Variants in BARD1 observed in about 807,000 individuals in gnomAD.
BARD1 encodes BRCA1 associated RING domain 1, also known as BRCA1-associated RING domain protein 1.
In BARD1, 73 loss-of-function variants were observed where a neutral mutation model predicts 77.0. The observed-to-expected ratio is 0.95, with a 90% CI of 0.79 to 1.15. The LOEUF (loss-of-function observed/expected upper bound fraction) is 1.15, where lower values mean the gene tolerates loss of function less well. Among genes scored for constraint, BARD1 ranks in the 50% most tolerant of loss-of-function variants. The pLI, the probability that BARD1 is intolerant of heterozygous loss-of-function variation, is 0.00. For missense variants in BARD1, 993 were observed against 938.8 expected, an observed-to-expected ratio of 1.06 and a Z score of -0.75; for synonymous variants, 384 against 338.0, an observed-to-expected ratio of 1.14 and a Z score of -1.49.
Position 214,809,514 on chromosome 2 carries a change from T to G in BARD1, c.56A>C (p.Glu19Ala). 1 of 1,598,260 alleles carries G rather than the reference T, an allele frequency of 6.3e-7. No homozygotes were observed. The highest frequency in any genetic ancestry group is 8.5e-7 in the Non-Finnish European group (1 of 1,174,250). ...NRQPRIRSGNEPRSAPAMEPD... is the reference protein window; with the variant it reads ...NRQPRIRSGNAPRSAPAMEPD... ...TTCCATGGCGGGCGCGGAACGAGGC[T>G]CGTTCCCGGAGCGGATCCTCGGCTG... Residue 19 changes from glutamate to alanine, a missense_variant, in exon 1 of 11, where the codon GAG (glutamate) becomes GCG (alanine). Physicochemically the swap from Glu to Ala is moderately radical, Grantham distance 107 (BLOSUM62 -1). Coordinates refer to ENST00000260947, the MANE Select transcript of BARD1 (RefSeq NM_000465.4).
intron 1 of BARD1, among the ~76,000 whole-genome samples, chr2:214,803,873 A>G (rs1226447596): frequency 6.6e-6 from 1 of 152,226 alleles, no homozygotes; most frequent in Non-Finnish European, 1.5e-5. Context: ...GTCAGAGGAT[A>G]ACTTAGGGAA....
chr2:214,790,789 C>T (rs1695478137), intron 3 of BARD1, among the ~76,000 whole-genome samples: 1 of 152,140 alleles, frequency 6.6e-6, no homozygotes, highest in African/African-American at 2.4e-5. Context: ...ACAAAAGTCA[C>T]TTTCACACAA....
intron 9 of BARD1, among the ~76,000 whole-genome samples, chr2:214,731,509 G>A (rs1692355337): frequency 6.6e-6 from 1 of 152,188 alleles, no homozygotes; most frequent in African/African-American, 2.4e-5. Context: ...ATTTGCAGTT[G>A]AAGGACTTGG....
chr2:214,733,554 A>G (rs1037994926), intron 9 of BARD1, among the ~76,000 whole-genome samples: 1 of 152,196 alleles, frequency 6.6e-6, no homozygotes, highest in Non-Finnish European at 1.5e-5. Context: ...TTAAACACCT[A>G]TCATGTACAA....
chr2:214,735,900 T>G (rs1461499833), intron 9 of BARD1, among the ~76,000 whole-genome samples: 1 of 152,046 alleles, frequency 6.6e-6, no homozygotes, highest in Non-Finnish European at 1.5e-5. Context: ...AATTCAACAC[T>G]CACACTCAGG....
intron 9 of BARD1, among the ~76,000 whole-genome samples, chr2:214,732,688 C>T (rs1692409346): frequency 6.6e-6 from 1 of 152,190 alleles, no homozygotes; most frequent in Admixed American, 6.5e-5. Flanking sequence ...AACCACCACA[C>T]CTTGCTGACC....
intron 5 of BARD1, 69 bp from the exon 6 acceptor site, chr2:214,767,723 C>T (rs1323031509): frequency 8.6e-6 from 12 of 1,398,534 alleles, no homozygotes; most frequent in Non-Finnish European, 8.0e-6. Flanking sequence ...ATTATAATAT[C>T]ACACTTTAGA....
intron 4 of BARD1, among the ~76,000 whole-genome samples, chr2:214,776,738 C>T (rs1694753464): frequency 6.6e-6 from 1 of 152,222 alleles, no homozygotes; most frequent in Middle Eastern, 3.4e-3. Flanking sequence ...TGTTACCTTA[C>T]GTGGTGAAAG....
At position 214,809,609 on chromosome 2, in the gene BARD1, A is replaced by C. The variant is rs1440761781; in HGVS notation, c.-40T>G. 6.6e-7 allele frequency: 1 copy of C among 1,525,470 alleles called. No individual in the cohort carries two copies. The highest frequency in any genetic ancestry group is 2.5e-5 in the East Asian group (1 of 40,558). 94.5% of individuals were successfully genotyped at this position (1,525,470 alleles called of 1,614,324 possible). A position where few individuals can be genotyped will look rare whatever the true frequency, so the allele number is the denominator to read the frequency against. ...ATGAAAGGCTCCTCGCAGAGCGGGA[A>C]GCAAGGAAGCCTCGGGAAACCACAG... On this transcript the variant is annotated 5_prime_UTR_variant, in exon 1 of 11. Coordinates refer to ENST00000260947, the MANE Select transcript of BARD1 (RefSeq NM_000465.4).
chr2:214,734,884 A>G (rs1387114919), intron 9 of BARD1, among the ~76,000 whole-genome samples: 1 of 152,214 alleles, frequency 6.6e-6, no homozygotes, highest in Non-Finnish European at 1.5e-5. Flanking sequence ...CAGCAAGAGT[A>G]GTATAGTCAA....
At chr2:214,797,203 T>A in intron 1 of BARD1, 86 bp from the exon 2 acceptor site, 1 of 1,029,750 alleles carries the variant, frequency 9.7e-7, no homozygotes, top group Non-Finnish European at 1.5e-6. Flanking sequence ...GGCCCAACAC[T>A]ACCATATTTC....
intron 9 of BARD1, among the ~76,000 whole-genome samples, chr2:214,744,676 G>GC (rs1693012624): frequency 6.6e-6 from 1 of 151,970 alleles, no homozygotes; most frequent in Admixed American, 6.6e-5. Flanking sequence ...TGTTGCCCAG[G>GC]CTGGAGTGCA....
Position 214,769,287 on chromosome 2 carries a change from A to G in BARD1, c.1340T>C (p.Leu447Pro), listed in dbSNP as rs765495837. The G allele has an allele frequency of 1.9e-6, 3 of 1,613,640 alleles. No homozygotes were observed. The East Asian group carries it at 6.7e-5, about 36-fold the overall frequency. ...IKGDIPSVEY[L>P]LQNGSDPNVK... Reference sequence around the variant, plus strand: ...ATTTGGATCACTTCCATTTTGTAAAAGGTATTCAACAGAAGGTATGTCGCC... The same window carrying G: ...ATTTGGATCACTTCCATTTTGTAAAGGGTATTCAACAGAAGGTATGTCGCC... Residue 447 changes from leucine to proline, a missense_variant, in exon 5 of 11, where the codon CTT (leucine) becomes CCT (proline). By Grantham distance (98) the Leu-to-Pro change is moderately conservative. Transcript: ENST00000260947.
chr2:214,780,713 G>T lies in BARD1; in HGVS notation c.1161C>A (p.Phe387Leu), dbSNP rs553790960. Reference protein sequence around the residue: ...GRKNSNMSDEFISLSPGTPPS... With the variant: ...GRKNSNMSDELISLSPGTPPS... Reference sequence around the variant, plus strand: ...GTGGTGTACCTGGTGAAAGACTAATGAATTCATCGGACATGTTACTGTTTT... The same window carrying T: ...GTGGTGTACCTGGTGAAAGACTAATTAATTCATCGGACATGTTACTGTTTT... Residue 387 changes from phenylalanine to leucine, a missense_variant, in exon 4 of 11, where the codon TTC (phenylalanine) becomes TTA (leucine). Physicochemically the swap from Phe to Leu is conservative, Grantham distance 22 (BLOSUM62 0). Coordinates refer to ENST00000260947, the MANE Select transcript of BARD1 (RefSeq NM_000465.4). The T allele has an allele frequency of 1.9e-6, 3 of 1,614,056 alleles. No homozygotes were observed. In the Admixed American group the frequency reaches 5.0e-5, roughly 27 times the overall value.
chr2:214,766,894 G>A (rs1025589843), intron 6 of BARD1, among the ~76,000 whole-genome samples: 1 of 151,918 alleles, frequency 6.6e-6, no homozygotes. Flanking sequence ...TGTAACGGGG[G>A]TGTGTTGTAC....
intron 8 of BARD1, 144 bp downstream of exon 8, chr2:214,745,578 A>G: frequency 2.9e-6 from 3 of 1,026,024 alleles, no homozygotes; most frequent in South Asian, 2.9e-5. Flanking sequence ...TTACTGAAAA[A>G]AAATTTAGAT....
Position 214,780,582 on chromosome 2 carries a change from A to C in BARD1, c.1292T>G (p.Leu431Trp). 1 of 1,614,006 alleles carries C rather than the reference A, an allele frequency of 6.2e-7. No homozygotes were observed. The highest frequency in any genetic ancestry group is 2.2e-5 in the East Asian group (1 of 44,884). Residue 431 changes from leucine to tryptophan, a missense_variant, in exon 4 of 11, where the codon TTG (leucine) becomes TGG (tryptophan). Transcript: ENST00000260947. ...AVKRNHRGET[L>W]LHIASIKGDI... is the part of the protein sequence containing the mutation. ...TACCTTAATAGAAGCAATATGGAGCAAAGTCTCTCCTCTATGATTTCTTTT... is the reference window on the plus strand; with the variant it reads ...TACCTTAATAGAAGCAATATGGAGCCAAGTCTCTCCTCTATGATTTCTTTT...
At chr2:214,746,390 C>A (rs1265087193) in intron 7 of BARD1, among the ~76,000 whole-genome samples, 1 of 152,140 alleles carries the variant, frequency 6.6e-6, no homozygotes, top group Non-Finnish European at 1.5e-5. Flanking sequence ...TAATTCAAAA[C>A]TTAGGAGATC....
intron 10 of BARD1, among the ~76,000 whole-genome samples, chr2:214,729,228 T>C (rs1440935481): frequency 1.3e-5 from 2 of 152,260 alleles, no homozygotes; most frequent in Non-Finnish European, 2.9e-5. Flanking sequence ...AAAATTCGTT[T>C]GTTTCTTGTA....
Sources: allele counts gnomAD v4.1 joint callset (sites outside exome capture counted in the v4.1 genomes callset), GRCh38; gene constraint gnomAD v4.1.1; transcripts MANE v1.5; gene names NCBI Gene and HGNC (gene_info 2026-07-23, HGNC 2026-07-21).